The following UGT2B7 variants were observed in gnomAD, a reference collection of about 807,000 sequenced individuals.
The protein encoded by UGT2B7 is UDP-glucuronosyltransferase 2B7.
UGT2B7 carries 51 observed loss-of-function variants against 51.9 expected under a neutral mutation model. The observed-to-expected ratio is 0.98, with a 90% confidence interval of 0.78 to 1.24. The LOEUF is 1.24. Among genes scored for constraint, UGT2B7 ranks in the 50% most tolerant of loss-of-function variants. UGT2B7 has a pLI of 0.00. For missense variants in UGT2B7, 727 were observed against 628.4 expected (o/e 1.16, Z -1.68); for synonymous variants, 225 against 211.6 (o/e 1.06, Z -0.55).
At chr4:69,074,392 G>T (rs930294868) in intron 1 of UGT2B7, among the ~76,000 whole-genome samples, 1 of 146,282 alleles carries the variant, frequency 6.8e-6, no homozygotes, top group East Asian at 2.0e-4. Flanking sequence ...ACTGCATTTC[G>T]TTCAGCCTGG....
upstream of UGT2B7, among the ~76,000 whole-genome samples, chr4:69,095,225 A>G (rs1199774206): frequency 6.6e-6 from 1 of 152,210 alleles, no homozygotes; most frequent in East Asian, 1.9e-4. Flanking sequence ...AGAACCCTAA[A>G]TCCAGCTCCT....
intron 1 of UGT2B7, among the ~76,000 whole-genome samples, chr4:69,084,670 A>G (rs994805490): frequency 6.6e-6 from 1 of 151,846 alleles, no homozygotes; most frequent in Admixed American, 6.6e-5. Context: ...CCATGTGTCC[A>G]TGTGTTCTCA....
At chr4:69,105,144 C>G (rs1177595811) in intron 3 of UGT2B7, among the ~76,000 whole-genome samples, 1 of 152,084 alleles carries the variant, frequency 6.6e-6, no homozygotes, top group African/African-American at 2.4e-5. Flanking sequence ...CCCACAAGGA[C>G]TCTGCACTAT....
intron 1 of UGT2B7, among the ~76,000 whole-genome samples, chr4:69,070,974 G>T (rs1718588677): frequency 6.6e-6 from 1 of 152,086 alleles, no homozygotes; most frequent in Non-Finnish European, 1.5e-5. Context: ...GTCATAACTG[G>T]CTTCCTGTGT....
intron 3 of UGT2B7, among the ~76,000 whole-genome samples, chr4:69,104,387 A>G (rs1719528682): frequency 6.6e-6 from 1 of 152,204 alleles, no homozygotes; most frequent in Admixed American, 6.5e-5. Context: ...ACTTCAACAT[A>G]GGGAACAAAC....
At chr4:69,108,936 G>T (rs1397873476) in intron 5 of UGT2B7, among the ~76,000 whole-genome samples, 1 of 151,774 alleles carries the variant, frequency 6.6e-6, no homozygotes, top group Non-Finnish European at 1.5e-5. Flanking sequence ...TAACTAATTT[G>T]TTTCCTTTCT....
At chr4:69,061,447 TC>T (rs906331364) in intron 1 of UGT2B7, among the ~76,000 whole-genome samples, 3 of 152,296 alleles carry the variant, frequency 2.0e-5, no homozygotes, top group Admixed American at 2.0e-4. Flanking sequence ...AACTCCACCT[TC>T]TATTCTAAAG....
chr4:69,053,668 C>T (rs1325487251), intron 1 of UGT2B7, among the ~76,000 whole-genome samples: 3 of 152,186 alleles, frequency 2.0e-5, no homozygotes, highest in Non-Finnish European at 2.9e-5. Flanking sequence ...TCTCCCAACA[C>T]TAAGTTCACT....
rs1407400137 is a variant in UGT2B7 at position 69,096,939 on chromosome 4, T to C, written c.419T>C (p.Val140Ala). 1.9e-6 allele frequency: 3 copies of C among 1,612,774 alleles called. No individual in the cohort carries two copies. In the South Asian group the frequency reaches 3.3e-5, roughly 18 times the overall value. ...TCAAATAAGAAATTTATGAAAAAAG[T>C]ACAAGAGTCAAGATTTGACGTCATT... ...VVSNKKFMKK[V>A]QESRFDVIFA... Residue 140 changes from valine to alanine, a missense_variant, in exon 1 of 6, where the codon GTA becomes GCA. Coordinates refer to ENST00000305231, the MANE Select transcript of UGT2B7 (RefSeq NM_001074.4).
At chr4:69,093,404 C>CGGCTG (rs753415593), upstream of UGT2B7, among the ~76,000 whole-genome samples, 18 of 152,182 alleles carry the variant, frequency 1.2e-4, no homozygotes, top group Non-Finnish European at 2.1e-4. Context: ...ACTGCTATCA[C>CGGCTG]GGCTGGTTGA....
At chr4:69,104,115 G>A (rs1295666945) in intron 3 of UGT2B7, among the ~76,000 whole-genome samples, 7 of 152,122 alleles carry the variant, frequency 4.6e-5, no homozygotes, top group Admixed American at 2.6e-4. Context: ...GGTGAAACCC[G>A]TCTCTACTGA....
At chr4:69,086,447 T>A (rs971812374) in intron 1 of UGT2B7, among the ~76,000 whole-genome samples, 3 of 151,948 alleles carry the variant, frequency 2.0e-5, no homozygotes, top group Non-Finnish European at 2.9e-5. Flanking sequence ...TTACATACTC[T>A]GCAGCTGTTG....
At chr4:69,070,393 C>T (rs1216810561) in intron 1 of UGT2B7, among the ~76,000 whole-genome samples, 1 of 148,008 alleles carries the variant, frequency 6.8e-6, no homozygotes, top group Non-Finnish European at 1.5e-5. Flanking sequence ...AACCCTCTTC[C>T]ATATAAACAA....
intron 5 of UGT2B7, among the ~76,000 whole-genome samples, chr4:69,109,637 T>C (rs1170685415): frequency 6.6e-6 from 1 of 152,204 alleles, no homozygotes; most frequent in Non-Finnish European, 1.5e-5. Flanking sequence ...ATGTCAGATA[T>C]ATAACTTGTA....
chr4:69,081,519 C>T (rs1718837528), intron 1 of UGT2B7, among the ~76,000 whole-genome samples: 1 of 152,132 alleles, frequency 6.6e-6, no homozygotes, highest in South Asian at 2.1e-4. Context: ...AACCTGTATA[C>T]ATCACACAAA....
chr4:69,097,316 A>G, intron 1 of UGT2B7, 75 bp downstream of exon 1: 1 of 1,525,898 alleles, frequency 6.6e-7, no homozygotes, highest in East Asian at 2.3e-5. Flanking sequence ...ATATAAAGCC[A>G]TAAAGTCAGG....
At position 69,112,841 on chromosome 4, in the gene UGT2B7, A is replaced by G. The variant is rs1395617123; in HGVS notation, c.*105A>G. ...AGATTTCTTTCTTCCTGAGACAAAAAAAAAAAAAGAAAAAAAAATCTTTTC... is the reference window on the plus strand; with the variant it reads ...AGATTTCTTTCTTCCTGAGACAAAAGAAAAAAAAGAAAAAAAAATCTTTTC... On this transcript the variant is annotated 3_prime_UTR_variant, in exon 6 of 6. Coordinates refer to ENST00000305231, the MANE Select transcript of UGT2B7 (RefSeq NM_001074.4). 2.9e-6 allele frequency: 4 copies of G among 1,387,838 alleles called. No homozygotes were observed. In the African/African-American group the frequency reaches 6.0e-5, roughly 21 times the overall value. 86.0% of individuals were successfully genotyped at this position (1,387,838 alleles called of 1,614,324 possible).
intron 1 of UGT2B7, among the ~76,000 whole-genome samples, chr4:69,064,745 A>G (rs909580348): frequency 2.0e-5 from 3 of 152,138 alleles, no homozygotes; most frequent in Non-Finnish European, 4.4e-5. Context: ...CTCAATAAAG[A>G]TATCCTCCTG....
chr4:69,073,860 G>A (rs1718649656), intron 1 of UGT2B7, among the ~76,000 whole-genome samples: 1 of 152,002 alleles, frequency 6.6e-6, no homozygotes, highest in Admixed American at 6.6e-5. Context: ...CCTCTTTTGG[G>A]CTCTATCAGT....
Sources: gnomAD v4.1 joint callset for allele counts (sites outside exome capture counted in the v4.1 genomes callset) on GRCh38, gnomAD v4.1.1 for gene constraint, MANE v1.5 for transcripts, NCBI Gene and HGNC (gene_info 2026-07-23, HGNC 2026-07-21) for gene names.